CELF2: variants seen among roughly 807,000 people sequenced by gnomAD.
The protein encoded by CELF2 is CUG triplet repeat RNA-binding protein 2.
A neutral mutation model predicts 62.6 loss-of-function variants in CELF2; 8 were observed. That is an observed-to-expected ratio of 0.13 (90% CI 0.07 to 0.23). CELF2 has a LOEUF of 0.23. CELF2 is among the 10% of genes least tolerant of loss of function. The pLI is 1.00. For missense variants in CELF2, 333 were observed against 671.0 expected, an observed-to-expected ratio of 0.50 and a Z score of 5.56; for synonymous variants, 258 against 250.0, an observed-to-expected ratio of 1.03 and a Z score of -0.30.
the CELF2 span, among the ~76,000 whole-genome samples, chr10:10,492,931 T>C: frequency 6.6e-6 from 1 of 152,168 alleles, no homozygotes; most frequent in Non-Finnish European, 1.5e-5. Flanking sequence ...ATTCTCTCTC[T>C]TGCCTGCCAC....
intron 1 of CELF2, among the ~76,000 whole-genome samples, chr10:11,133,829 A>G (rs2059984484): frequency 6.6e-6 from 1 of 152,196 alleles, no homozygotes. Context: ...TTCTTACAGA[A>G]GAAGGTAATT....
the CELF2 span, among the ~76,000 whole-genome samples, chr10:10,699,789 A>G: frequency 6.6e-6 from 1 of 152,168 alleles, no homozygotes; most frequent in Non-Finnish European, 1.5e-5. Flanking sequence ...AGAGCCATGA[A>G]ACTACTTCTG....
chr10:11,066,366 C>A (rs2068172171), intron 1 of CELF2, among the ~76,000 whole-genome samples: 1 of 151,858 alleles, frequency 6.6e-6, no homozygotes, highest in Non-Finnish European at 1.5e-5. Context: ...CGTTGATTAA[C>A]CCTGTGACCC....
chr10:11,176,863 C>G (rs1038201782), intron 2 of CELF2, among the ~76,000 whole-genome samples: 1 of 152,142 alleles, frequency 6.6e-6, no homozygotes, highest in African/African-American at 2.4e-5. Context: ...GTACTGCAAG[C>G]TACACTCAGT....
chr10:11,204,853 G>C (rs1224430171), intron 2 of CELF2, among the ~76,000 whole-genome samples: 6 of 152,190 alleles, frequency 3.9e-5, no homozygotes, highest in Admixed American at 3.9e-4. Flanking sequence ...AACTGCTTTT[G>C]TTTTTTCTTC....
intron 1 of CELF2, among the ~76,000 whole-genome samples, chr10:11,055,950 C>G (rs1326695206): frequency 6.6e-6 from 1 of 152,188 alleles, no homozygotes; most frequent in Non-Finnish European, 1.5e-5. Context: ...GCTTTAAAAG[C>G]AGATAGGGGA....
the CELF2 span, among the ~76,000 whole-genome samples, chr10:10,564,208 G>A: frequency 6.6e-6 from 1 of 152,096 alleles, no homozygotes; most frequent in African/African-American, 2.4e-5. Flanking sequence ...TCATCACCAA[G>A]GATTTAAAGC....
chr10:11,300,033 T>A lies in CELF2; in HGVS notation c.976+11481T>A, dbSNP rs186060315. 6.6e-6 allele frequency among the ~76,000 whole-genome samples: 1 copy of A among 152,298 alleles called. No homozygotes were observed. The highest frequency in any genetic ancestry group is 1.9e-4 in the East Asian group (1 of 5,192). ...TCCAAACTCATGGCCCCACACTGCC[T>A]TTATGAGTGCCCGTCTTCACGGGAC... is the stretch of plus-strand genomic sequence containing the variant. On this transcript the variant is annotated intron_variant, in intron 9 of 12. Coordinates refer to ENST00000633077, the MANE Select transcript of CELF2 (RefSeq NM_001326342.2). The surrounding 1 kb of genome is among the most constrained non-coding windows in gnomAD (Gnocchi z 5.5).
the CELF2 span, among the ~76,000 whole-genome samples, chr10:10,556,547 C>T: frequency 1.1e-4 from 17 of 152,114 alleles, no homozygotes; most frequent in African/African-American, 3.9e-4. Context: ...GGTATATACC[C>T]AGTAATGGGA....
the CELF2 span, among the ~76,000 whole-genome samples, chr10:10,618,246 C>A: frequency 6.6e-6 from 1 of 152,048 alleles, no homozygotes. Flanking sequence ...GGCTCCCTGA[C>A]CTCTTAGGAA....
the CELF2 span, among the ~76,000 whole-genome samples, chr10:10,668,803 T>TA: frequency 6.6e-6 from 1 of 151,736 alleles, no homozygotes. Flanking sequence ...ACCAAAAATA[T>TA]AAAAAATAGC....
the CELF2 span, among the ~76,000 whole-genome samples, chr10:10,679,655 G>A: frequency 6.6e-6 from 1 of 151,982 alleles, no homozygotes; most frequent in East Asian, 1.9e-4. Context: ...AAGAACACCA[G>A]GATAATGAAC....
At chr10:10,752,823 A>AT in the CELF2 span, among the ~76,000 whole-genome samples, 1 of 151,062 alleles carries the variant, frequency 6.6e-6, no homozygotes, top group Non-Finnish European at 1.5e-5. Flanking sequence ...AAAAAAAAAA[A>AT]AATTCTACCA....
At chr10:11,144,659 C>T (rs2061929369) in intron 1 of CELF2, among the ~76,000 whole-genome samples, 2 of 151,098 alleles carry the variant, frequency 1.3e-5, no homozygotes, top group South Asian at 2.1e-4. Context: ...TTCGGGAGAC[C>T]GAGGCAGGAG....
At chr10:10,826,024 G>A (rs2057362120) in intron 1 of CELF2, among the ~76,000 whole-genome samples, 1 of 152,158 alleles carries the variant, frequency 6.6e-6, no homozygotes, top group Non-Finnish European at 1.5e-5. Context: ...CTTACAGCAG[G>A]ACTAGGAATA....
At chr10:10,674,968 C>T in the CELF2 span, among the ~76,000 whole-genome samples, 1 of 152,214 alleles carries the variant, frequency 6.6e-6, no homozygotes, top group Non-Finnish European at 1.5e-5. Flanking sequence ...CACACAAACA[C>T]ACACACAAGC....
At chr10:10,962,967 A>C (rs2136012040) in intron 2 of CELF2, among the ~76,000 whole-genome samples, 1 of 152,288 alleles carries the variant, frequency 6.6e-6, no homozygotes, top group Non-Finnish European at 1.5e-5. Context: ...TTGGTAAGTC[A>C]AATGGATTGT....
chr10:10,822,785 G>A (rs993621472), intron 1 of CELF2, among the ~76,000 whole-genome samples: 37 of 152,292 alleles, frequency 2.4e-4, no homozygotes, highest in Admixed American at 7.8e-4. Flanking sequence ...TCAAAACCTA[G>A]TCATTTGGAG....
the CELF2 span, among the ~76,000 whole-genome samples, chr10:10,586,004 A>G: frequency 6.6e-6 from 1 of 152,236 alleles, no homozygotes; most frequent in African/African-American, 2.4e-5. Context: ...TTGTATGTTC[A>G]TAAATATTAA....
Sources: gnomAD v4.1 joint callset for allele counts (sites outside exome capture counted in the v4.1 genomes callset) on GRCh38, gnomAD v4.1.1 for gene constraint, Gnocchi (gnomAD v3.1) non-coding constraint, MANE v1.5 for transcripts, NCBI Gene and HGNC (gene_info 2026-07-23, HGNC 2026-07-21) for gene names.